Variants in NPC1 observed in about 807,000 individuals in gnomAD.
NPC1 encodes Niemann-Pick C1 protein.
Under a neutral mutation model 140.4 loss-of-function variants are expected in NPC1, and 85 were observed. That is an observed-to-expected ratio of 0.61 (90% confidence interval 0.51 to 0.72). NPC1 has a LOEUF of 0.72. Among genes scored for constraint, NPC1 ranks in the 30% least tolerant of loss-of-function variants. NPC1 has a pLI of 0.00. For synonymous variants in NPC1, 656 were observed against 624.8 expected (o/e 1.05, Z -0.74); for missense variants, 1,504 against 1,623.8 (o/e 0.93, Z 1.27).
intron 10 of NPC1, among the ~76,000 whole-genome samples, chr18:23,548,403 A>C (rs1201051235): frequency 6.6e-6 from 1 of 151,724 alleles, no homozygotes; most frequent in Non-Finnish European, 1.5e-5. Flanking sequence ...AGAACAGAAA[A>C]GTGTTTATCG....
At chr18:23,561,580 C>T (rs1011441881) in intron 4 of NPC1, 53 bp from the exon 5 acceptor site, 21 of 1,582,166 alleles carry the variant, frequency 1.3e-5, no homozygotes, top group Admixed American at 8.3e-5. Context: ...CTGTAATTCA[C>T]GAGGCAAGAT....
intron 11 of NPC1, among the ~76,000 whole-genome samples, chr18:23,547,642 T>C (rs1174592636): frequency 2.6e-5 from 4 of 152,074 alleles, no homozygotes; most frequent in Non-Finnish European, 5.9e-5. Flanking sequence ...CTCAGGAGGC[T>C]GAGGTGGGAG....
At chr18:23,514,215 C>T (rs2057937899) in intron 3 of NPC1, among the ~76,000 whole-genome samples, 2 of 152,176 alleles carry the variant, frequency 1.3e-5, no homozygotes, top group African/African-American at 4.8e-5. Context: ...AGGCCATCAT[C>T]GAAATCTTAG....
intron 9 of NPC1, among the ~76,000 whole-genome samples, chr18:23,552,422 C>G (rs2058887059): frequency 6.6e-6 from 1 of 152,208 alleles, no homozygotes; most frequent in Non-Finnish European, 1.5e-5. Context: ...AATAAAAGGA[C>G]TCAGTGCCAG....
downstream of NPC1, chr18:23,520,295 T>C (rs746822630): frequency 3.1e-5 from 50 of 1,613,694 alleles, no homozygotes; most frequent in African/African-American, 1.3e-5. Flanking sequence ...GATCCAGCCC[T>C]ATCAGATCCC....
chr18:23,534,169 G>A, intron 23 of NPC1: 1 of 552,640 alleles, frequency 1.8e-6, no homozygotes, highest in African/African-American at 1.9e-5. Context: ...GGGCTCCCCT[G>A]CATTTTAAAT....
In NPC1 at chr18:23,566,376, C is replaced by T. The variant is rs146363717; in HGVS notation, c.463+2447G>A. Among the ~76,000 whole-genome samples the T allele has an allele frequency of 1.0e-3, 154 of 152,208 alleles. 1 individual carries two copies. The highest frequency in any genetic ancestry group is 3.5e-3 in the African/African-American group (145 of 41,522). On this transcript the variant is annotated intron_variant, in intron 4 of 24. Transcript: ENST00000269228. ...TCCAGCCTGGGTGACAGCATGAGAC[C>T]TTGACTCTGTTTTGTAGTACTGCAC...
At chr18:23,529,480 T>C (rs2058418252), downstream of NPC1, 2 of 1,245,422 alleles carry the variant, frequency 1.6e-6, no homozygotes, top group African/African-American at 1.5e-5. Context: ...GCATAATTGT[T>C]GACGGGTGGT....
rs776950896 is a variant in NPC1, at chr18:23,540,433, AG to A, written c.2604+14del. On this transcript the variant is annotated intron_variant, in intron 17 of 24. Coordinates refer to ENST00000269228, the MANE Select transcript of NPC1 (RefSeq NM_000271.5). ...TAAAGAAGTTAAAAAAAAAAAAAAA[AG>A]GAAGTCATCTTACATCTGGCATCGA... is the stretch of plus-strand genomic sequence containing the variant. 2 of 1,466,308 alleles carry A rather than the reference AG, an allele frequency of 1.4e-6. No individual in the cohort carries two copies. The highest frequency in any genetic ancestry group is 1.9e-6 in the Non-Finnish European group (2 of 1,057,574). The allele number at this position is 1,466,308 out of a possible 1,614,324, so 90.8% of individuals were successfully genotyped here.
At chr18:23,510,185 A>G (rs2145149775) in intron 3 of NPC1, among the ~76,000 whole-genome samples, 1 of 151,868 alleles carries the variant, frequency 6.6e-6, no homozygotes, top group Non-Finnish European at 1.5e-5. Flanking sequence ...TTAGTCAGGC[A>G]TGGTGGTGTG....
downstream of NPC1, chr18:23,529,837 G>A: frequency 9.2e-7 from 1 of 1,084,982 alleles, no homozygotes. Flanking sequence ...AATGCTGAGT[G>A]ACTCCTGACA....
In NPC1 at chr18:23,534,459, T is replaced by C; in HGVS notation, c.3578A>G (p.His1193Arg). The change falls in exon 23 of 25, where the codon CAC becomes CGC. Residue 1193 changes from histidine to arginine, a missense_variant. His to Arg is a conservative substitution (Grantham distance 29). Transcript: ENST00000269228. ...CAGGGTACTCACGGAGCTGCCCATGTGGGCAAGTGCCTCTTCCGCGCGCTC... is the reference window on the plus strand; with the variant it reads ...CAGGGTACTCACGGAGCTGCCCATGCGGGCAAGTGCCTCTTCCGCGCGCTC... ...RVERAEEALAHMGSSVFSGIT... is the reference protein window; with the variant it reads ...RVERAEEALARMGSSVFSGIT... 6.2e-7 allele frequency: 1 copy of C among 1,613,268 alleles called. No individual in the cohort carries two copies. Among genetic ancestry groups the C allele is most frequent in the Non-Finnish European group, 8.5e-7 (1 of 1,179,692 alleles).
Position 23,532,142 on chromosome 18 carries a change from G to A in NPC1, c.*60C>T, listed in dbSNP as rs1455545663. On this transcript the variant is annotated 3_prime_UTR_variant, in exon 25 of 25. Coordinates refer to ENST00000269228, the MANE Select transcript of NPC1 (RefSeq NM_000271.5). ...ACTTGGCCTTGCCGATGCAGCACCC[G>A]TCCAGTGGTAAACCGACCGACCCTT... is the stretch of plus-strand genomic sequence containing the variant. 9.3e-6 allele frequency: 15 copies of A among 1,613,926 alleles called. No individual in the cohort carries two copies. Among genetic ancestry groups the A allele is most frequent in the East Asian group, 4.5e-5 (2 of 44,886 alleles).
chr18:23,538,440 A>C, intron 20 of NPC1, 102 bp downstream of exon 20: 11 of 1,402,094 alleles, frequency 7.8e-6, no homozygotes, highest in Non-Finnish European at 1.1e-5. Context: ...GGGGCGGAGA[A>C]GAGACGTTCC....
intron 4 of NPC1, among the ~76,000 whole-genome samples, chr18:23,565,367 C>T (rs537882487): frequency 6.6e-6 from 1 of 151,978 alleles, no homozygotes; most frequent in Non-Finnish European, 1.5e-5. Context: ...TTCTGTTTTT[C>T]TTTTTTTGAG....
chr18:23,524,356 C>A (rs377544931), downstream of NPC1: 2 of 1,546,112 alleles, frequency 1.3e-6, no homozygotes, highest in South Asian at 1.1e-5. Context: ...TGGGCAGGGG[C>A]GAGTGCTAGC....
In NPC1 at chr18:23,557,072, G is replaced by GAC. The variant is rs1567966377; in HGVS notation, c.955+43_955+44dup. On this transcript the variant is annotated intron_variant, in intron 7 of 24. Transcript: ENST00000269228. ...TGAGGAAACGAATGCTCTCATGACA[G>GAC]ACAGCATCATCTGAACCCTTTTATT... 2.0e-6 allele frequency: 3 copies of GAC among 1,476,610 alleles called. No homozygotes were observed. In the South Asian group the frequency reaches 3.4e-5, roughly 17 times the overall value. 91.5% of individuals were successfully genotyped at this position (1,476,610 alleles called of 1,614,324 possible).
At chr18:23,517,106 T>G (rs373882314) in intron 3 of NPC1, among the ~76,000 whole-genome samples, 2 of 152,126 alleles carry the variant, frequency 1.3e-5, no homozygotes, top group African/African-American at 4.8e-5. Flanking sequence ...GTAACAGACA[T>G]GGAACTAAAT....
chr18:23,577,748 C>T (rs1186370693), intron 1 of NPC1, among the ~76,000 whole-genome samples: 5 of 152,188 alleles, frequency 3.3e-5, no homozygotes, highest in Non-Finnish European at 7.4e-5. Context: ...TCTGGCATGG[C>T]GGGCTGCAGG....
Sources: allele counts gnomAD v4.1 joint callset (sites outside exome capture counted in the v4.1 genomes callset), GRCh38; gene constraint gnomAD v4.1.1; transcripts MANE v1.5; gene names NCBI Gene and HGNC (gene_info 2026-07-23, HGNC 2026-07-21).